The following CCR5AS variants were observed in gnomAD, a reference collection of about 807,000 sequenced individuals.
CCR5AS encodes the protein CCR5 antisense RNA.
At chr3:46,368,693 A>G (rs1301500089) in intron 3 of CCR5AS, among the ~76,000 whole-genome samples, 1 of 152,224 alleles carries the variant, frequency 6.6e-6, no homozygotes, top group African/African-American at 2.4e-5. Context: ...CATTTAACAG[A>G]TGAGGAAATG....
intron 2 of CCR5AS, among the ~76,000 whole-genome samples, chr3:46,389,354 G>T (rs1487777012): frequency 2.0e-5 from 3 of 152,170 alleles, no homozygotes; most frequent in Non-Finnish European, 4.4e-5. Context: ...GGCAGTTGGG[G>T]TGCTATAAAT....
intron 3 of CCR5AS, among the ~76,000 whole-genome samples, chr3:46,366,756 T>C (rs1475574103): frequency 6.6e-6 from 1 of 152,202 alleles, no homozygotes; most frequent in Admixed American, 6.5e-5. Context: ...GTGGGTGTCA[T>C]AAGACTCAAG....
At chr3:46,376,957 C>G (rs985732367) in intron 2 of CCR5AS, among the ~76,000 whole-genome samples, 1 of 152,058 alleles carries the variant, frequency 6.6e-6, no homozygotes, top group Non-Finnish European at 1.5e-5. Flanking sequence ...GCAGCTTGTC[C>G]CTACCAAGAC....
At chr3:46,374,581 T>A (rs145725153) in intron 2 of CCR5AS, 2 of 167,242 alleles carry the variant, frequency 1.2e-5, no homozygotes, top group East Asian at 3.9e-4. Flanking sequence ...TTGAGTTGGA[T>A]CATCTATTGC....
intron 1 of CCR5AS, among the ~76,000 whole-genome samples, chr3:46,399,880 C>T (rs943679316): frequency 2.6e-5 from 4 of 152,142 alleles, no homozygotes; most frequent in Non-Finnish European, 4.4e-5. Context: ...GATAAAGTGA[C>T]AATTTGTCAC....
chr3:46,396,536 T>C (rs1701963620), intron 1 of CCR5AS, among the ~76,000 whole-genome samples: 1 of 152,200 alleles, frequency 6.6e-6, no homozygotes, highest in South Asian at 2.1e-4. Context: ...AGCCAATGCA[T>C]CTCTCCATGC....
At chr3:46,405,253 G>C (rs753078591) in intron 1 of CCR5AS, among the ~76,000 whole-genome samples, 9 of 152,098 alleles carry the variant, frequency 5.9e-5, no homozygotes, top group Non-Finnish European at 7.4e-5. Context: ...AGTAAGCCAG[G>C]GTGATCCTGA....
At chr3:46,375,633 T>C (rs1701744928) in intron 2 of CCR5AS, 1 of 152,962 alleles carries the variant, frequency 6.5e-6, no homozygotes, top group South Asian at 2.7e-4. Flanking sequence ...AAGTACAATT[T>C]ACCAGCCTCC....
At chr3:46,368,563 C>G (rs1467495465) in intron 3 of CCR5AS, among the ~76,000 whole-genome samples, 2 of 152,220 alleles carry the variant, frequency 1.3e-5, no homozygotes, top group African/African-American at 4.8e-5. Flanking sequence ...CAAAGCTGTG[C>G]TTCCTTGTTT....
At chr3:46,393,962 C>A (rs1575286595) in intron 1 of CCR5AS, among the ~76,000 whole-genome samples, 1 of 152,220 alleles carries the variant, frequency 6.6e-6, no homozygotes, top group South Asian at 2.1e-4. Flanking sequence ...CATGTTCAAT[C>A]CAGCCCCGTG....
intron 1 of CCR5AS, among the ~76,000 whole-genome samples, chr3:46,397,488 A>T (rs978330068): frequency 3.3e-5 from 5 of 152,252 alleles, no homozygotes; most frequent in African/African-American, 9.6e-5. Flanking sequence ...TACACAGTGC[A>T]GTGCCTGGTG....
chr3:46,379,182 C>T (rs1701790920), intron 2 of CCR5AS, among the ~76,000 whole-genome samples: 1 of 127,086 alleles, frequency 7.9e-6, no homozygotes, highest in Non-Finnish European at 1.6e-5. Context: ...TCCCCCCACC[C>T]CACCACAGTC....
chr3:46,395,439 T>A (rs1275909765), intron 1 of CCR5AS, among the ~76,000 whole-genome samples: 1 of 151,546 alleles, frequency 6.6e-6, no homozygotes, highest in Non-Finnish European at 1.5e-5. Context: ...TAAAGAACAG[T>A]GAGGAGATGT....
At chr3:46,380,697 A>T (rs1472725975) in intron 2 of CCR5AS, among the ~76,000 whole-genome samples, 1 of 152,240 alleles carries the variant, frequency 6.6e-6, no homozygotes, top group Non-Finnish European at 1.5e-5. Context: ...TCCCTTCACG[A>T]TCAGCACCTG....
intron 2 of CCR5AS, chr3:46,373,715 C>G: frequency 6.2e-7 from 1 of 1,614,090 alleles, no homozygotes; most frequent in Non-Finnish European, 8.5e-7. Context: ...ATTGCAGTAG[C>G]TCTAACAGGT....
intron 2 of CCR5AS, among the ~76,000 whole-genome samples, chr3:46,387,732 G>A (rs991724491): frequency 2.6e-5 from 4 of 152,182 alleles, no homozygotes; most frequent in African/African-American, 9.7e-5. Context: ...CTTTGTGTGA[G>A]CAATTAAGCT....
intron 2 of CCR5AS, among the ~76,000 whole-genome samples, chr3:46,372,241 T>C (rs562863696): frequency 1.3e-4 from 20 of 152,232 alleles, no homozygotes; most frequent in Non-Finnish European, 2.6e-4. Context: ...ATGTTAAGAC[T>C]GAGTTGCAGC....
chr3:46,400,351 C>A (rs1214606157), intron 1 of CCR5AS, among the ~76,000 whole-genome samples: 2 of 152,180 alleles, frequency 1.3e-5, no homozygotes, highest in African/African-American at 4.8e-5. Context: ...GATAATTTAT[C>A]TAAGGCTGGG....
At chr3:46,364,904 G>C (rs1242239892) in exon 4 of CCR5AS, 2 of 152,404 alleles carry the variant, frequency 1.3e-5, no homozygotes, top group Middle Eastern at 3.4e-3. Flanking sequence ...AACAGCAAGA[G>C]AACTAGAACT....
Sources: allele counts gnomAD v4.1 joint callset (sites outside exome capture counted in the v4.1 genomes callset), GRCh38; gene constraint gnomAD v4.1.1; transcripts MANE v1.5; gene names NCBI Gene and HGNC (gene_info 2026-07-23, HGNC 2026-07-21).